NECTIN2: variants seen among roughly 807,000 people sequenced by gnomAD.
NECTIN2 encodes the protein nectin cell adhesion molecule 2.
NECTIN2 carries 23 observed loss-of-function variants against 56.9 expected under a neutral mutation model. The ratio of observed to expected loss-of-function variants is 0.40; its 90% CI spans 0.29 to 0.57. NECTIN2 has a LOEUF of 0.57. NECTIN2 is among the 20% of genes least tolerant of loss of function. The probability of loss-of-function intolerance (pLI) is 0.38; values close to 1 mark genes in which losing one functional copy is unlikely to be tolerated. For synonymous variants in NECTIN2, 302 were observed against 313.8 expected, an observed-to-expected ratio of 0.96 and a Z score of 0.40; for missense variants, 587 against 718.3, an observed-to-expected ratio of 0.82 and a Z score of 2.09.
chr19:44,846,315 A>C lies in NECTIN2; in HGVS notation c.-211A>C. The C allele has an allele frequency of 1.9e-6, 1 of 516,474 alleles. No individual in the cohort carries two copies. Among genetic ancestry groups the C allele is most frequent in the East Asian group, 3.7e-5 (1 of 27,190 alleles). 32.0% of individuals were successfully genotyped at this position (516,474 alleles called of 1,614,324 possible). On this transcript the variant is annotated 5_prime_UTR_variant, in exon 1 of 9. Coordinates refer to ENST00000252483, the MANE Select transcript of NECTIN2 (RefSeq NM_001042724.2). Reference sequence around the variant, plus strand: ...GGATCCTGTGACGTCAGCGGGTTCGAACCGCCGGAGCTGAGCGAGAGGCCG... The same window carrying C: ...GGATCCTGTGACGTCAGCGGGTTCGCACCGCCGGAGCTGAGCGAGAGGCCG...
intron 1 of NECTIN2, among the ~76,000 whole-genome samples, chr19:44,851,538 G>A (rs1968899973): frequency 6.6e-6 from 1 of 152,178 alleles, no homozygotes; most frequent in Admixed American, 6.5e-5. Flanking sequence ...GGATCTCGGG[G>A]TCTCAAGCTG....
chr19:44,855,715 T>A (rs1361997425), intron 1 of NECTIN2, among the ~76,000 whole-genome samples: 1 of 152,184 alleles, frequency 6.6e-6, no homozygotes. Context: ...TTTGTCCTGT[T>A]ACTTCTGCAG....
At position 44,888,388 on chromosome 19, in the gene NECTIN2, G is replaced by A. The variant is rs767312417; in HGVS notation, c.*9G>A. On this transcript the variant is annotated 3_prime_UTR_variant, in exon 9 of 9. Coordinates refer to ENST00000252483, the MANE Select transcript of NECTIN2 (RefSeq NM_001042724.2). ...GGGCCATGTATGTGTGAGCTGCCAT[G>A]CGCCTGGCGTCTCACATCTCACCTG... 38 of 1,605,282 alleles carry A rather than the reference G, an allele frequency of 2.4e-5. No homozygotes were observed. Among genetic ancestry groups the A allele is most frequent in the Non-Finnish European group, 3.1e-5 (36 of 1,172,966 alleles).
Position 44,857,711 on chromosome 19 carries a change from GTTT to G in NECTIN2, c.89-7549_89-7547del, listed in dbSNP as rs1228699075. ...GCCATCGTGCCGGGTTTTTGTTTTT[GTTT>G]TTTTTTTTTTAAGAGATGAAGTCTC... On this transcript the variant is annotated intron_variant, in intron 1 of 8. Transcript: ENST00000252483. 2.1e-5 allele frequency among the ~76,000 whole-genome samples: 3 copies of G among 144,182 alleles called. No individual in the cohort carries two copies. The Admixed American group carries it at 2.1e-4, about 10-fold the overall frequency. 94.6% of individuals were successfully genotyped at this position (144,182 alleles called of 152,430 possible). A position where few individuals can be genotyped will look rare whatever the true frequency, so the allele number is the denominator to read the frequency against.
chr19:44,888,602 G>A lies in NECTIN2; in HGVS notation c.*223G>A. The A allele has an allele frequency of 3.5e-6, 2 of 568,132 alleles. No homozygotes were observed. The highest frequency in any genetic ancestry group is 2.4e-5 in the South Asian group (1 of 41,622). 35.2% of individuals were successfully genotyped at this position (568,132 alleles called of 1,614,324 possible). On this transcript the variant is annotated 3_prime_UTR_variant, in exon 9 of 9. Coordinates refer to ENST00000252483, the MANE Select transcript of NECTIN2 (RefSeq NM_001042724.2). ...GGCAACCTTATCTCATGAGGCAGGA[G>A]GTGGGGAAGGTGCTTCTGCACAACC...
At chr19:44,878,226 C>T (rs768516701) in intron 5 of NECTIN2, 1 of 684,874 alleles carries the variant, frequency 1.5e-6, no homozygotes. Flanking sequence ...TCCTCAGAAA[C>T]CCCCAGGGCC....
At chr19:44,885,896 C>A (rs1274891339) in intron 6 of NECTIN2, 41 bp from the exon 7 acceptor site, 2 of 1,503,640 alleles carry the variant, frequency 1.3e-6, no homozygotes, top group Non-Finnish European at 1.9e-6. Context: ...AGAGGGATGC[C>A]TGGGTCTTAA....
chr19:44,878,659 C>A, intron 5 of NECTIN2: 1 of 1,548,408 alleles, frequency 6.5e-7, no homozygotes, highest in Non-Finnish European at 8.7e-7. Context: ...CCCGGCCCTC[C>A]CGCCCCCGAC....
chr19:44,854,397 T>C (rs1968939095), intron 1 of NECTIN2, among the ~76,000 whole-genome samples: 1 of 152,144 alleles, frequency 6.6e-6, no homozygotes, highest in Admixed American at 6.6e-5. Context: ...TCGGTTTTTT[T>C]GTTTTAATCC....
intron 1 of NECTIN2, among the ~76,000 whole-genome samples, chr19:44,856,743 G>C (rs112498891): frequency 0.034 from 5,143 of 152,234 alleles, 268 homozygotes; most frequent in African/African-American, 0.11. Flanking sequence ...TTGTGGGAGG[G>C]GGGTGATGTC....
intron 1 of NECTIN2, among the ~76,000 whole-genome samples, chr19:44,848,860 G>T (rs753302115): frequency 1.1e-4 from 16 of 151,708 alleles, no homozygotes; most frequent in Admixed American, 1.3e-4. Context: ...TGCCTCCCCC[G>T]CTTGGCCTCC....
At chr19:44,862,704 A>G (rs548011) in intron 1 of NECTIN2, among the ~76,000 whole-genome samples, 50,662 of 151,906 alleles carry the variant, frequency 0.33, 9,278 homozygotes, top group Non-Finnish European at 0.39. Context: ...GGAGGGAAAC[A>G]GGTGAGGGTT....
chr19:44,863,461 G>A (rs1439279094), intron 1 of NECTIN2, among the ~76,000 whole-genome samples: 2 of 152,112 alleles, frequency 1.3e-5, no homozygotes, highest in African/African-American at 2.4e-5. Flanking sequence ...TGTTGGGTAC[G>A]CTGTTTGCTA....
intron 2 of NECTIN2, among the ~76,000 whole-genome samples, chr19:44,869,990 C>T (rs923484454): frequency 6.6e-6 from 1 of 152,044 alleles, no homozygotes; most frequent in African/African-American, 2.4e-5. Flanking sequence ...ACCTCAAGAG[C>T]TTCCGTATAC....
chr19:44,874,649 TG>T lies in NECTIN2; in HGVS notation c.1042+175del, dbSNP rs1969216643. On this transcript the variant is annotated intron_variant, in intron 5 of 8. Coordinates refer to ENST00000252483, the MANE Select transcript of NECTIN2 (RefSeq NM_001042724.2). This position sits in a 1 kb window ranked among gnomAD's most constrained non-coding sequence, Gnocchi z 6.3. ...TGGCCTTCCCCTCGTGGCCTCAGAC[TG>T]GGGTCTGGATTTGGGGTGTCGGGGT... The T allele has an allele frequency of 1.3e-6, 1 of 786,386 alleles. No individual in the cohort carries two copies. Among genetic ancestry groups the T allele is most frequent in the Non-Finnish European group, 2.0e-6 (1 of 497,788 alleles). 48.7% of individuals were successfully genotyped at this position (786,386 alleles called of 1,614,324 possible).
Position 44,882,234 on chromosome 19 carries a change from G to T in NECTIN2, c.1066G>T (p.Gly356Trp). 1 of 1,523,416 alleles carries T rather than the reference G, an allele frequency of 6.6e-7. No homozygotes were observed. The allele number at this position is 1,523,416 out of a possible 1,614,324, so 94.4% of individuals were successfully genotyped here. A position where few individuals can be genotyped will look rare whatever the true frequency, so the allele number is the denominator to read the frequency against. The change falls in exon 6 of 9, where the codon GGG becomes TGG. Residue 356 changes from glycine (G) to tryptophan (W), a missense_variant. Coordinates refer to ENST00000252483, the MANE Select transcript of NECTIN2 (RefSeq NM_001042724.2). Reference sequence around the variant, plus strand: ...AGAGACCCCCAACACAGCAGGCGCAGGGGCCACAGGCGGCATCATCGGGGG... The same window carrying T: ...AGAGACCCCCAACACAGCAGGCGCATGGGCCACAGGCGGCATCATCGGGGG... ...VRETPNTAGAGATGGIIGGII... is the reference protein window; with the variant it reads ...VRETPNTAGAWATGGIIGGII...
Position 44,878,329 on chromosome 19 carries a change from C to A in NECTIN2, c.1042+3851C>A, listed in dbSNP as rs759910429. The stretch of plus-strand genomic sequence containing the variant: ...TGGCTGGGGGGTCCTTGGCCTTCAT[C>A]CTGCTGAGGGTGAGGAGGAGGAGGA... On this transcript the variant is annotated intron_variant, in intron 5 of 8. Coordinates refer to ENST00000252483, the MANE Select transcript of NECTIN2 (RefSeq NM_001042724.2). The A allele has an allele frequency of 2.7e-5, 42 of 1,539,822 alleles. No individual in the cohort carries two copies. In the East Asian group the frequency reaches 1.0e-3, roughly 38 times the overall value.
Position 44,888,383 on chromosome 19 carries a change from G to C in NECTIN2, c.*4G>C. 1 of 1,606,272 alleles carries C rather than the reference G, an allele frequency of 6.2e-7. No homozygotes were observed. The highest frequency in any genetic ancestry group is 8.5e-7 in the Non-Finnish European group (1 of 1,173,538). On this transcript the variant is annotated 3_prime_UTR_variant, in exon 9 of 9. Transcript: ENST00000252483. ...GTCCCGGGCCATGTATGTGTGAGCTGCCATGCGCCTGGCGTCTCACATCTC... is the reference window on the plus strand; with the variant it reads ...GTCCCGGGCCATGTATGTGTGAGCTCCCATGCGCCTGGCGTCTCACATCTC...
At position 44,865,177 on chromosome 19, in the gene NECTIN2, A is replaced by G. The variant is rs1157779025; in HGVS notation, c.89-94A>G. The G allele has an allele frequency of 1.5e-6, 2 of 1,366,802 alleles. No individual in the cohort carries two copies. The highest frequency in any genetic ancestry group is 1.5e-5 in the African/African-American group (1 of 68,542). 84.7% of individuals were successfully genotyped at this position (1,366,802 alleles called of 1,614,324 possible). ...TGCCTACGTTGCATGCGGAGCCTGCATTTCCCGTGGGGCCCCCTTCGTGGT... is the reference window on the plus strand; with the variant it reads ...TGCCTACGTTGCATGCGGAGCCTGCGTTTCCCGTGGGGCCCCCTTCGTGGT... On this transcript the variant is annotated intron_variant, in intron 1 of 8. Transcript: ENST00000252483. The surrounding 1 kb of genome is among the most constrained non-coding windows in gnomAD (Gnocchi z 5.2).
Sources: gnomAD v4.1 joint callset for allele counts (sites outside exome capture counted in the v4.1 genomes callset) on GRCh38, gnomAD v4.1.1 for gene constraint, Gnocchi (gnomAD v3.1) non-coding constraint, MANE v1.5 for transcripts, NCBI Gene and HGNC (gene_info 2026-07-23, HGNC 2026-07-21) for gene names.